The following UNC79 variants were observed in gnomAD, a reference collection of about 807,000 sequenced individuals.
UNC79 encodes the protein protein unc-79 homolog.
Under a neutral mutation model 283.1 loss-of-function variants are expected in UNC79, and 37 were observed. The observed-to-expected ratio is 0.13, with a 90% CI of 0.10 to 0.17. The LOEUF (loss-of-function observed/expected upper bound fraction) is 0.17. UNC79 is among the 10% of genes least tolerant of loss of function. UNC79 has a pLI of 1.00. For synonymous variants in UNC79, 1,107 were observed against 1,200.2 expected (o/e 0.92, Z 1.61); for missense variants, 2,272 against 3,211.1 (o/e 0.71, Z 7.07).
chr14:93,506,625 A>G (rs1423498723), intron 7 of UNC79, among the ~76,000 whole-genome samples: 3 of 152,096 alleles, frequency 2.0e-5, no homozygotes. Context: ...CTTTACTATG[A>G]TATATCTAGT....
intron 1 of UNC79, among the ~76,000 whole-genome samples, chr14:93,403,061 ATAGG>A (rs1358936496): frequency 6.6e-6 from 1 of 152,198 alleles, no homozygotes; most frequent in Non-Finnish European, 1.5e-5. Context: ...CAGGTCATAA[ATAGG>A]TAGGAGACAA....
At chr14:93,450,075 G>A (rs182596083) in intron 1 of UNC79, among the ~76,000 whole-genome samples, 2 of 152,330 alleles carry the variant, frequency 1.3e-5, no homozygotes, top group African/African-American at 4.8e-5. Flanking sequence ...AAAGTCAGAA[G>A]TGAGTCCTGG....
intron 1 of UNC79, among the ~76,000 whole-genome samples, chr14:93,385,990 C>T (rs1309921014): frequency 6.6e-6 from 1 of 152,094 alleles, no homozygotes; most frequent in Non-Finnish European, 1.5e-5. Flanking sequence ...ATTGCTCTAA[C>T]TATAACTTTT....
At chr14:93,347,445 G>T in intron 1 of UNC79, 1 of 1,402,646 alleles carries the variant, frequency 7.1e-7, no homozygotes, top group South Asian at 1.5e-5. Flanking sequence ...TGGCCCTGGC[G>T]GGGCGCCCCG....
At chr14:93,478,301 T>A (rs977405920) in intron 4 of UNC79, among the ~76,000 whole-genome samples, 9 of 152,236 alleles carry the variant, frequency 5.9e-5, no homozygotes, top group Non-Finnish European at 1.0e-4. Flanking sequence ...TCATGTGCAA[T>A]GTATGATTAT....
intron 1 of UNC79, among the ~76,000 whole-genome samples, chr14:93,384,321 G>T (rs914192042): frequency 6.6e-6 from 1 of 152,198 alleles, no homozygotes; most frequent in African/African-American, 2.4e-5. Context: ...CACCAACAGT[G>T]TACAAGGGTT....
At chr14:93,569,568 GATTTCCAGGGAC>G (rs1273152297) in intron 14 of UNC79, among the ~76,000 whole-genome samples, 1 of 152,218 alleles carries the variant, frequency 6.6e-6, no homozygotes. Flanking sequence ...GGTCTTAGAG[GATTTCCAGGGAC>G]ATATTTGCCT....
rs566952690 is a variant in UNC79, at chr14:93,574,147, G to C, written c.2071-911G>C. 1.3e-3 allele frequency among the ~76,000 whole-genome samples: 200 copies of C among 152,282 alleles called. 1 individual carries two copies. Among genetic ancestry groups the C allele is most frequent in the Non-Finnish European group, 2.2e-3 (150 of 68,016 alleles). On this transcript the variant is annotated intron_variant, in intron 16 of 48. Transcript: ENST00000555664. Reference sequence around the variant, plus strand: ...GGCTGGATGTTGCCTCAGTTACCCCGTTGCACAGCCCTTACACTGTGCTCT... The same window carrying C: ...GGCTGGATGTTGCCTCAGTTACCCCCTTGCACAGCCCTTACACTGTGCTCT...
chr14:93,651,087 A>G (rs1185004270), intron 35 of UNC79, among the ~76,000 whole-genome samples: 1 of 152,138 alleles, frequency 6.6e-6, no homozygotes, highest in Non-Finnish European at 1.5e-5. Flanking sequence ...CTTAGAAACC[A>G]TGGAAGGGTG....
At chr14:93,587,094 T>C (rs1215705076) in intron 22 of UNC79, among the ~76,000 whole-genome samples, 186 bp downstream of exon 22, 1 of 152,340 alleles carries the variant, frequency 6.6e-6, no homozygotes, top group African/African-American at 2.4e-5. Flanking sequence ...ATACAAGGAA[T>C]GGTAATTTCC....
chr14:93,634,705 C>G, intron 31 of UNC79, 68 bp downstream of exon 34: 2 of 1,354,010 alleles, frequency 1.5e-6, no homozygotes, highest in Non-Finnish European at 2.1e-6. Flanking sequence ...TGTGTCCACT[C>G]TGCTCCCTTG....
intron 24 of UNC79, 44 bp from the exon 25 acceptor site, chr14:93,600,525 T>C: frequency 1.3e-6 from 2 of 1,490,188 alleles, no homozygotes; most frequent in Non-Finnish European, 1.8e-6. Flanking sequence ...GATGTTTATA[T>C]CTGACTTTCT....
chr14:93,690,219 C>T lies in UNC79; in HGVS notation c.7188C>T (p.Pro2396=). The change falls in exon 45 of 49, where the codon CCC becomes CCT. Residue 2396 remains proline, a synonymous_variant. Transcript: ENST00000555664. The surrounding 1 kb of genome is among the most constrained non-coding windows in gnomAD (Gnocchi z 4.3). ...CAGTGTGCCCAAATGCCTCCTCTCCCTGCCTGCCCATTCCTCTGGATGCAG... is the reference window on the plus strand; with the variant it reads ...CAGTGTGCCCAAATGCCTCCTCTCCTTGCCTGCCCATTCCTCTGGATGCAG... The T allele has an allele frequency of 6.2e-7, 1 of 1,614,204 alleles. No individual in the cohort carries two copies. The highest frequency in any genetic ancestry group is 8.5e-7 in the Non-Finnish European group (1 of 1,180,046).
At chr14:93,410,666 C>T (rs2055316501) in intron 1 of UNC79, among the ~76,000 whole-genome samples, 1 of 152,096 alleles carries the variant, frequency 6.6e-6, no homozygotes, top group South Asian at 2.1e-4. Context: ...ATGAGGCCCC[C>T]TTTCTAGGCT....
chr14:93,532,515 T>G (rs767094650), intron 10 of UNC79, 35 bp from the exon 11 acceptor site: 1 of 1,601,496 alleles, frequency 6.2e-7, no homozygotes, highest in Non-Finnish European at 8.5e-7. Flanking sequence ...GGGCTCTCTT[T>G]CTTTGTTGAT....
intron 1 of UNC79, among the ~76,000 whole-genome samples, chr14:93,391,056 G>A (rs1385235660): frequency 6.6e-6 from 1 of 152,100 alleles, no homozygotes; most frequent in Non-Finnish European, 1.5e-5. Flanking sequence ...CATATATCAA[G>A]ACTTTTTCCT....
chr14:93,372,847 A>G lies in UNC79; in HGVS notation c.-351+39324A>G, dbSNP rs117191641. On this transcript the variant is annotated intron_variant, in intron 1 of 49. Coordinates refer to the UNC79 transcript ENST00000256339. ...GGTCATCTATAGACTACCTTATCCA[A>G]CAACAGCAGAGTACATGTTCTTCTC... is the stretch of plus-strand genomic sequence containing the variant. 9.2e-5 allele frequency among the ~76,000 whole-genome samples: 14 copies of G among 152,350 alleles called. No individual in the cohort carries two copies. The East Asian group carries it at 2.5e-3, about 27-fold the overall frequency.
intron 47 of UNC79, among the ~76,000 whole-genome samples, chr14:93,697,276 C>T (rs1164350348): frequency 6.6e-6 from 1 of 152,086 alleles, no homozygotes; most frequent in African/African-American, 2.4e-5. Context: ...GCTGGGATTA[C>T]AGACACCTGC....
In UNC79 at chr14:93,347,311, C is replaced by A. The variant is rs200838169; in HGVS notation, c.-351+13788C>A. On this transcript the variant is annotated intron_variant, in intron 1 of 49. Coordinates refer to the UNC79 transcript ENST00000256339. ...GCGCTGTCCTGCCCGCCGCCACTAC[C>A]GCCGCTTGGCCCTGCTCGGCCTGCA... 2.3e-5 allele frequency: 37 copies of A among 1,605,730 alleles called. No individual in the cohort carries two copies. In the Admixed American group the frequency reaches 3.3e-4, roughly 15 times the overall value.
Sources: gnomAD v4.1 joint callset for allele counts (sites outside exome capture counted in the v4.1 genomes callset) on GRCh38, gnomAD v4.1.1 for gene constraint, Gnocchi (gnomAD v3.1) non-coding constraint, MANE v1.5 for transcripts, NCBI Gene and HGNC (gene_info 2026-07-23, HGNC 2026-07-21) for gene names.